Variants in CDKL1 observed in about 807,000 individuals in gnomAD.
CDKL1 encodes the protein cyclin dependent kinase like 1.
CDKL1 carries 41 observed loss-of-function variants against 42.0 expected under a neutral mutation model. The observed-to-expected ratio is 0.98, with a 90% CI of 0.76 to 1.27. CDKL1 has a LOEUF of 1.27. Among genes scored for constraint, CDKL1 ranks in the 50% most tolerant of loss-of-function variants. The pLI, the probability that CDKL1 is intolerant of heterozygous loss-of-function variation, is 0.00. For synonymous variants in CDKL1, 153 were observed against 158.6 expected (o/e 0.96, Z 0.26); for missense variants, 394 against 428.4 (o/e 0.92, Z 0.71).
chr14:50,358,029 A>G (rs375216376), intron 3 of CDKL1: 35 of 1,354,630 alleles, frequency 2.6e-5, no homozygotes, highest in Non-Finnish European at 3.3e-5. Context: ...CTCACCCTGC[A>G]AGAGGCTGCC....
At chr14:50,390,316 A>G in intron 2 of CDKL1, 1 of 1,366,436 alleles carries the variant, frequency 7.3e-7, no homozygotes, top group Non-Finnish European at 9.8e-7. Context: ...TCCCACAGTG[A>G]CACTGTCCTG....
upstream of CDKL1, chr14:50,397,161 T>G: frequency 7.3e-7 from 1 of 1,366,356 alleles, no homozygotes; most frequent in Non-Finnish European, 9.8e-7. Context: ...GCAAGACGCC[T>G]GCGCTAGGAG....
chr14:50,334,853 G>A (rs2033166164), intron 7 of CDKL1: 6 of 445,434 alleles, frequency 1.3e-5, no homozygotes, highest in Non-Finnish European at 2.4e-5. Context: ...TTAACTTCCT[G>A]CTCTGATACC....
At chr14:50,382,951 G>A (rs1485281764) in intron 2 of CDKL1, among the ~76,000 whole-genome samples, 3 of 147,696 alleles carry the variant, frequency 2.0e-5, no homozygotes, top group African/African-American at 7.5e-5. Flanking sequence ...TTTTTGAGAC[G>A]GAGTCTCGCT....
chr14:50,390,203 T>C (rs1190314240), intron 2 of CDKL1: 1 of 1,365,588 alleles, frequency 7.3e-7, no homozygotes, highest in East Asian at 4.5e-5. Flanking sequence ...AGACATGTCA[T>C]AGACAATGTC....
chr14:50,362,388 T>C (rs890691575), intron 2 of CDKL1: 15 of 266,574 alleles, frequency 5.6e-5, no homozygotes, highest in Admixed American at 2.1e-4. Context: ...AGAACCTTTA[T>C]GTCTAGCTAA....
At position 50,344,056 on chromosome 14, in the gene CDKL1, G is replaced by A. The variant is rs571103404; in HGVS notation, c.363+930C>T. On this transcript the variant is annotated intron_variant, in intron 4 of 9. Coordinates refer to ENST00000395834, the MANE Select transcript of CDKL1 (RefSeq NM_004196.7). ...GTGAAATTGCACTCATGGCCAAAAC[G>A]AAGCTCTAACTTTGGAATCTGGTTT... 8.5e-5 allele frequency among the ~76,000 whole-genome samples: 13 copies of A among 152,310 alleles called. No homozygotes were observed. The East Asian group carries it at 1.5e-3, about 18-fold the overall frequency.
At chr14:50,336,305 TG>T (rs907323308) in intron 7 of CDKL1, 1 of 1,160,832 alleles carries the variant, frequency 8.6e-7, no homozygotes, top group South Asian at 1.5e-5. Flanking sequence ...GGACAATCTC[TG>T]GGAAGCCATG....
chr14:50,335,552 G>A, intron 7 of CDKL1: 1 of 1,536,000 alleles, frequency 6.5e-7, no homozygotes, highest in South Asian at 1.2e-5. Flanking sequence ...GAGACAATCA[G>A]GAATAACACT....
At chr14:50,368,401 G>A (rs564312086) in intron 2 of CDKL1, among the ~76,000 whole-genome samples, 2 of 152,160 alleles carry the variant, frequency 1.3e-5, no homozygotes, top group African/African-American at 4.8e-5. Context: ...GACTACAGGT[G>A]CACACCATCA....
chr14:50,387,503 A>G (rs987952221), intron 2 of CDKL1, among the ~76,000 whole-genome samples: 4 of 146,400 alleles, frequency 2.7e-5, no homozygotes, highest in African/African-American at 1.0e-4. Context: ...AGCCTGGGTG[A>G]CAAGACCAAG....
intron 2 of CDKL1, among the ~76,000 whole-genome samples, chr14:50,367,078 C>G (rs2034455885): frequency 6.6e-6 from 1 of 152,112 alleles, no homozygotes; most frequent in South Asian, 2.1e-4. Context: ...AAAGAACCCT[C>G]CCACCCAGAT....
chr14:50,386,982 G>A (rs910026439), intron 2 of CDKL1, among the ~76,000 whole-genome samples: 2 of 151,148 alleles, frequency 1.3e-5, no homozygotes, highest in Non-Finnish European at 3.0e-5. Context: ...AGCCAAGATC[G>A]CGCCACTGTA....
chr14:50,368,384 T>C (rs1480733023), intron 2 of CDKL1, among the ~76,000 whole-genome samples: 1 of 152,120 alleles, frequency 6.6e-6, no homozygotes, highest in African/African-American at 2.4e-5. Flanking sequence ...GCCTCCTCAG[T>C]AGCTGGGACT....
At chr14:50,340,812 T>G (rs1246816068) in intron 6 of CDKL1, among the ~76,000 whole-genome samples, 3 of 152,262 alleles carry the variant, frequency 2.0e-5, no homozygotes, top group Non-Finnish European at 2.9e-5. Context: ...AATCTTGGGT[T>G]GTTTTTGGAC....
chr14:50,359,012 G>T lies in CDKL1; in HGVS notation c.290+16C>A. 1 of 1,604,976 alleles carries T rather than the reference G, an allele frequency of 6.2e-7. No individual in the cohort carries two copies. The highest frequency in any genetic ancestry group is 1.1e-5 in the South Asian group (1 of 89,756). ...CAGTGTGTCTTTGTTTTGCTTGTAA[G>T]GGATGGATCACTCACCCTCTTTGGT... On this transcript the variant is annotated intron_variant, in intron 3 of 9. Transcript: ENST00000395834.
chr14:50,335,295 C>CAA (rs55777134), intron 7 of CDKL1, among the ~76,000 whole-genome samples: 862 of 53,910 alleles, frequency 0.016, 20 homozygotes, highest in Middle Eastern at 0.038. Flanking sequence ...GACCCTGTCT[C>CAA]AAAAAAAAAA....
chr14:50,391,280 G>C (rs1420229557), intron 2 of CDKL1, among the ~76,000 whole-genome samples: 1 of 152,152 alleles, frequency 6.6e-6, no homozygotes, highest in African/African-American at 2.4e-5. Flanking sequence ...TTCAGGTAGG[G>C]TCCATGTGTC....
chr14:50,341,338 T>C, intron 5 of CDKL1, 106 bp from the exon 6 acceptor site: 1 of 1,424,420 alleles, frequency 7.0e-7, no homozygotes, highest in South Asian at 1.6e-5. Flanking sequence ...GTGGCCTTTC[T>C]ATATCGCTGG....
Sources: allele counts gnomAD v4.1 joint callset (sites outside exome capture counted in the v4.1 genomes callset), GRCh38; gene constraint gnomAD v4.1.1; transcripts MANE v1.5; gene names NCBI Gene and HGNC (gene_info 2026-07-23, HGNC 2026-07-21).